The following VPS41 variants were observed in gnomAD, a reference collection of about 807,000 sequenced individuals.
VPS41 encodes the protein vacuolar protein sorting-associated protein 41 homolog.
In VPS41, 85 loss-of-function variants were observed where a neutral mutation model predicts 130.9. That is an observed-to-expected ratio of 0.65 (90% CI 0.55 to 0.78). The LOEUF (loss-of-function observed/expected upper bound fraction) is 0.78. VPS41 is among the 30% of genes least tolerant of loss of function. The pLI, the probability that VPS41 is intolerant of heterozygous loss-of-function variation, is 0.00. For missense variants in VPS41, 874 were observed against 1,018.7 expected, an observed-to-expected ratio of 0.86 and a Z score of 1.93; for synonymous variants, 335 against 332.9, an observed-to-expected ratio of 1.01 and a Z score of -0.07.
intron 9 of VPS41, among the ~76,000 whole-genome samples, chr7:38,792,461 T>C (rs73369911): frequency 0.02 from 3,055 of 152,292 alleles, 107 homozygotes; most frequent in African/African-American, 0.069. Context: ...CCTTCCAGTA[T>C]GTTAGGTGAC....
chr7:38,763,586 T>TG, intron 16 of VPS41, 39 bp from the exon 17 acceptor site: 1 of 1,389,124 alleles, frequency 7.2e-7, no homozygotes, highest in Non-Finnish European at 9.9e-7. Context: ...CATTAAAATA[T>TG]GAAAAAACAA....
intron 4 of VPS41, among the ~76,000 whole-genome samples, chr7:38,847,230 C>T (rs981398457): frequency 1.3e-5 from 2 of 152,020 alleles, no homozygotes; most frequent in Non-Finnish European, 2.9e-5. Flanking sequence ...ATGATCTGAA[C>T]TATTTTAAAT....
At chr7:38,897,897 T>C (rs959822147) in intron 2 of VPS41, among the ~76,000 whole-genome samples, 194 bp downstream of exon 2, 1 of 152,236 alleles carries the variant, frequency 6.6e-6, no homozygotes, top group African/African-American at 2.4e-5. Flanking sequence ...GTTCCTTTTC[T>C]TATTTTTTAA....
intron 4 of VPS41, among the ~76,000 whole-genome samples, chr7:38,830,663 G>A (rs1785369139): frequency 6.6e-6 from 1 of 152,134 alleles, no homozygotes; most frequent in Non-Finnish European, 1.5e-5. Context: ...GCAGACCAAG[G>A]CTCCCAGACC....
At chr7:38,791,474 A>G (rs1746446615) in intron 9 of VPS41, among the ~76,000 whole-genome samples, 1 of 152,152 alleles carries the variant, frequency 6.6e-6, no homozygotes. Context: ...TCTTAAGATT[A>G]TGGTGCAGTG....
chr7:38,852,081 A>G (rs371138872), intron 4 of VPS41, among the ~76,000 whole-genome samples: 1 of 152,186 alleles, frequency 6.6e-6, no homozygotes, highest in African/African-American at 2.4e-5. Context: ...TCTGGGTGAC[A>G]AAGTTGTGCG....
intron 4 of VPS41, among the ~76,000 whole-genome samples, chr7:38,843,202 T>C (rs1209477533): frequency 1.3e-5 from 2 of 152,204 alleles, no homozygotes; most frequent in Non-Finnish European, 2.9e-5. Context: ...CATGCCCCTG[T>C]TCTTTTGGGA....
At chr7:38,737,754 T>C (rs1407809874) in intron 25 of VPS41, among the ~76,000 whole-genome samples, 10 of 152,194 alleles carry the variant, frequency 6.6e-5, no homozygotes, top group Admixed American at 6.5e-4. Context: ...CTGAGTGTTG[T>C]GTCCATCTTG....
chr7:38,788,033 G>A (rs752312963), intron 10 of VPS41, among the ~76,000 whole-genome samples: 3 of 152,320 alleles, frequency 2.0e-5, no homozygotes, highest in Non-Finnish European at 4.4e-5. Context: ...GCTATCAGCA[G>A]TCACAGAGTT....
chr7:38,773,505 T>C (rs570573185), intron 12 of VPS41, among the ~76,000 whole-genome samples: 1 of 152,320 alleles, frequency 6.6e-6, no homozygotes, highest in South Asian at 2.1e-4. Flanking sequence ...TAGTACAGCA[T>C]TCCTACAAAG....
At chr7:38,809,352 T>TTA (rs913298876) in intron 7 of VPS41, among the ~76,000 whole-genome samples, 34 of 146,732 alleles carry the variant, frequency 2.3e-4, no homozygotes, top group Non-Finnish European at 3.0e-4. Context: ...TATGTATATT[T>TTA]TATATATATA....
chr7:38,894,098 A>G (rs1786926415), intron 2 of VPS41, among the ~76,000 whole-genome samples: 1 of 152,210 alleles, frequency 6.6e-6, no homozygotes, highest in Non-Finnish European at 1.5e-5. Context: ...GAATAAGGAA[A>G]AGGTAGAAAT....
At chr7:38,804,750 A>G (rs977719522) in intron 7 of VPS41, among the ~76,000 whole-genome samples, 4 of 152,260 alleles carry the variant, frequency 2.6e-5, no homozygotes, top group African/African-American at 9.6e-5. Flanking sequence ...TCAAGCCAGC[A>G]TGTGAGGTAG....
intron 3 of VPS41, among the ~76,000 whole-genome samples, chr7:38,866,266 G>C (rs1786227147): frequency 6.6e-6 from 1 of 152,294 alleles, no homozygotes; most frequent in East Asian, 1.9e-4. Flanking sequence ...TTTCGTAGTT[G>C]ATGAAAAATC....
intron 2 of VPS41, among the ~76,000 whole-genome samples, chr7:38,881,670 A>G (rs1355115574): frequency 1.3e-5 from 2 of 152,216 alleles, no homozygotes; most frequent in Admixed American, 6.5e-5. Flanking sequence ...GGCATGGGAT[A>G]AAACAATTCT....
At chr7:38,844,986 C>G (rs1406818043) in intron 4 of VPS41, among the ~76,000 whole-genome samples, 2 of 152,202 alleles carry the variant, frequency 1.3e-5, no homozygotes, top group African/African-American at 4.8e-5. Context: ...GGCCTTTCCA[C>G]CTACAGAAGA....
At chr7:38,851,802 C>A (rs1785861285) in intron 4 of VPS41, among the ~76,000 whole-genome samples, 1 of 152,184 alleles carries the variant, frequency 6.6e-6, no homozygotes, top group Admixed American at 6.5e-5. Context: ...TCCTCCACAT[C>A]CTAACCAATA....
intron 4 of VPS41, among the ~76,000 whole-genome samples, chr7:38,841,594 C>A (rs924038255): frequency 6.6e-6 from 1 of 152,140 alleles, no homozygotes; most frequent in Non-Finnish European, 1.5e-5. Context: ...TTCCTTCCTG[C>A]CTTTCTACTC....
chr7:38,821,728 GAAAAAGA>G (rs1785176954), intron 5 of VPS41, among the ~76,000 whole-genome samples: 4 of 144,338 alleles, frequency 2.8e-5, no homozygotes, highest in Non-Finnish European at 4.6e-5. Context: ...AAAAGAAAAA[GAAAAAGA>G]AAAAAGAAAA....
Sources: allele counts gnomAD v4.1 joint callset (sites outside exome capture counted in the v4.1 genomes callset), GRCh38; gene constraint gnomAD v4.1.1; transcripts MANE v1.5; gene names NCBI Gene and HGNC (gene_info 2026-07-23, HGNC 2026-07-21).